Variants in CALN1 observed in about 807,000 individuals in gnomAD.
CALN1 encodes the protein calcium-binding protein 8.
In CALN1, 17 loss-of-function variants were observed where a neutral mutation model predicts 30.6. The ratio of observed to expected loss-of-function variants is 0.56; its 90% CI spans 0.38 to 0.83. CALN1 has a LOEUF of 0.83. CALN1 is among the 40% of genes least tolerant of loss of function. The pLI is 0.00. For missense variants in CALN1, 291 were observed against 354.9 expected (o/e 0.82, Z 1.45); for synonymous variants, 156 against 131.4 (o/e 1.19, Z -1.28).
intron 3 of CALN1, among the ~76,000 whole-genome samples, chr7:72,143,032 G>A (rs543176458): frequency 6.6e-6 from 1 of 152,282 alleles, no homozygotes; most frequent in East Asian, 1.9e-4. Context: ...GGAAAAAACA[G>A]AGCAGAAAAA....
intron 3 of CALN1, among the ~76,000 whole-genome samples, chr7:72,273,349 G>A (rs554075331): frequency 6.7e-6 from 1 of 148,788 alleles, no homozygotes; most frequent in Non-Finnish European, 1.5e-5. Flanking sequence ...TTGAACCCAG[G>A]AGGCAGACGT....
chr7:71,868,444 C>T (rs373432964), intron 5 of CALN1, among the ~76,000 whole-genome samples: 18 of 151,094 alleles, frequency 1.2e-4, no homozygotes, highest in South Asian at 4.2e-4. Context: ...CTATCTCGGC[C>T]CACTGCAACC....
chr7:72,412,216 G>C lies in CALN1; in HGVS notation c.-232C>G, dbSNP rs188647969. Reference sequence around the variant, plus strand: ...TTGCGGTCTTGCTGACTTCAAGAACGAAGACGCAGACCGCGGCCGTGAGCT... The same window carrying C: ...TTGCGGTCTTGCTGACTTCAAGAACCAAGACGCAGACCGCGGCCGTGAGCT... On this transcript the variant is annotated 5_prime_UTR_variant, in exon 1 of 7. Transcript: ENST00000395275. The C allele has an allele frequency of 6.6e-6, 1 of 152,434 alleles. No individual in the cohort carries two copies. Among genetic ancestry groups the C allele is most frequent in the South Asian group, 2.0e-4 (1 of 4,964 alleles). 9.4% of individuals were successfully genotyped at this position (152,434 alleles called of 1,614,324 possible). A position where few individuals can be genotyped will look rare whatever the true frequency, so the allele number is the denominator to read the frequency against.
chr7:71,836,898 G>A (rs1412002953), intron 5 of CALN1, among the ~76,000 whole-genome samples: 3 of 150,440 alleles, frequency 2.0e-5, no homozygotes, highest in South Asian at 2.1e-4. Context: ...GATTACAGGC[G>A]TGAGCCACCA....
intron 3 of CALN1, among the ~76,000 whole-genome samples, chr7:72,243,260 C>G (rs1222285133): frequency 6.6e-6 from 1 of 152,218 alleles, no homozygotes; most frequent in Non-Finnish European, 1.5e-5. Flanking sequence ...CATCTGCAAA[C>G]CAGGAAGAGA....
intron 5 of CALN1, among the ~76,000 whole-genome samples, chr7:72,014,476 A>C (rs1225401610): frequency 6.6e-6 from 1 of 152,076 alleles, no homozygotes; most frequent in Non-Finnish European, 1.5e-5. Flanking sequence ...ACCAATCCCT[A>C]TTTTAATTAA....
chr7:71,813,855 C>T (rs775928982), intron 5 of CALN1, among the ~76,000 whole-genome samples: 2 of 145,116 alleles, frequency 1.4e-5, no homozygotes, highest in Admixed American at 7.1e-5. Context: ...GGTGTGAACA[C>T]GGGAGGCGGA....
At chr7:72,308,381 G>T (rs1799810035) in intron 2 of CALN1, among the ~76,000 whole-genome samples, 1 of 109,694 alleles carries the variant, frequency 9.1e-6, no homozygotes, top group South Asian at 4.2e-4. Flanking sequence ...GGGAGAGAGA[G>T]AGAGAGAGAG....
intron 1 of CALN1, among the ~76,000 whole-genome samples, chr7:72,408,006 A>T (rs921884028): frequency 6.6e-6 from 1 of 152,182 alleles, no homozygotes; most frequent in Non-Finnish European, 1.5e-5. Context: ...CTGTGGCACT[A>T]GGTATGCAAA....
intron 2 of CALN1, among the ~76,000 whole-genome samples, chr7:72,316,058 G>A (rs1213788055): frequency 3.9e-5 from 6 of 151,990 alleles, no homozygotes; most frequent in Admixed American, 6.6e-5. Context: ...AGCTGAGGCA[G>A]GAGAATCGCT....
chr7:72,140,680 C>T (rs1487658360), intron 3 of CALN1, among the ~76,000 whole-genome samples: 1 of 152,240 alleles, frequency 6.6e-6, no homozygotes, highest in Non-Finnish European at 1.5e-5. Context: ...CCCTGGTTGG[C>T]TCTTGAGTGG....
chr7:72,310,952 T>C (rs1028320839), intron 2 of CALN1, among the ~76,000 whole-genome samples: 3 of 148,040 alleles, frequency 2.0e-5, no homozygotes, highest in African/African-American at 5.0e-5. Context: ...GAAGAAAATA[T>C]ATATATACGG....
At chr7:72,342,105 GC>G (rs1802413497) in intron 2 of CALN1, among the ~76,000 whole-genome samples, 1 of 151,890 alleles carries the variant, frequency 6.6e-6, no homozygotes, top group South Asian at 2.1e-4. Context: ...AAAATGATTT[GC>G]AAAATTAGCC....
intron 5 of CALN1, among the ~76,000 whole-genome samples, chr7:71,912,000 T>C (rs1233407533): frequency 6.6e-6 from 1 of 151,920 alleles, no homozygotes; most frequent in Non-Finnish European, 1.5e-5. Context: ...TAGGCTATGG[T>C]CAGGGGGCAG....
intron 3 of CALN1, among the ~76,000 whole-genome samples, chr7:72,115,717 G>C (rs2129541857): frequency 6.6e-6 from 1 of 151,616 alleles, no homozygotes; most frequent in African/African-American, 2.4e-5. Context: ...CAAACTCCTG[G>C]CCTTGTGATC....
chr7:72,252,039 A>T (rs1795596327), intron 3 of CALN1, among the ~76,000 whole-genome samples: 1 of 152,168 alleles, frequency 6.6e-6, no homozygotes, highest in Non-Finnish European at 1.5e-5. Context: ...ACTTATGTAA[A>T]TCTTAATGCG....
chr7:72,134,919 T>C (rs1156501768), intron 3 of CALN1, among the ~76,000 whole-genome samples: 1 of 152,258 alleles, frequency 6.6e-6, no homozygotes, highest in Admixed American at 6.5e-5. Context: ...AATATGCTGA[T>C]GGAATATTCT....
intron 2 of CALN1, among the ~76,000 whole-genome samples, chr7:72,382,961 G>C (rs929910922): frequency 6.6e-6 from 1 of 152,084 alleles, no homozygotes; most frequent in African/African-American, 2.4e-5. Context: ...GCTAATTTTT[G>C]TATTTTTCTA....
intron 2 of CALN1, among the ~76,000 whole-genome samples, chr7:72,279,967 C>A (rs1797624522): frequency 6.6e-6 from 1 of 152,128 alleles, no homozygotes; most frequent in South Asian, 2.1e-4. Flanking sequence ...CTGGGCAGCA[C>A]TCAACCTGTG....
Sources: gnomAD v4.1 joint callset for allele counts (sites outside exome capture counted in the v4.1 genomes callset) on GRCh38, gnomAD v4.1.1 for gene constraint, MANE v1.5 for transcripts, NCBI Gene and HGNC (gene_info 2026-07-23, HGNC 2026-07-21) for gene names.